Variants in ZNF514 observed in about 807,000 individuals in gnomAD.
ZNF514 encodes the protein zinc finger protein 514.
In ZNF514, 12 loss-of-function variants were observed where a neutral mutation model predicts 9.7. That is an observed-to-expected ratio of 1.24 (90% confidence interval 0.79 to 2.01). The LOEUF (loss-of-function observed/expected upper bound fraction) is 2.01, where lower values mean the gene tolerates loss of function less well. ZNF514 is among the 30% of genes most tolerant of loss of function. The probability of loss-of-function intolerance (pLI) is 0.00; values close to 1 mark genes in which losing one functional copy is unlikely to be tolerated. For synonymous variants in ZNF514, 158 were observed against 163.7 expected, an observed-to-expected ratio of 0.97 and a Z score of 0.27; for missense variants, 467 against 465.5, an observed-to-expected ratio of 1.00 and a Z score of -0.03.
chr2:95,146,245 T>TA lies in ZNF514; in HGVS notation c.*3036dup, dbSNP rs1190508917. Among the ~76,000 whole-genome samples the TA allele has an allele frequency of 1.3e-5, 2 of 152,208 alleles. No individual in the cohort carries two copies. The highest frequency in any genetic ancestry group is 1.9e-4 in the East Asian group (1 of 5,204). On this transcript the variant is annotated 3_prime_UTR_variant, in exon 5 of 5. Transcript: ENST00000295208. ...AGGAAACAAGAAAGTGGTAAAGTGA[T>TA]AAAAAATTATTTAAATAGATCAAGA... is the stretch of plus-strand genomic sequence containing the variant.
chr2:95,143,690 C>T (rs1673297267), downstream of ZNF514, among the ~76,000 whole-genome samples: 1 of 152,182 alleles, frequency 6.6e-6, no homozygotes, highest in Non-Finnish European at 1.5e-5. Flanking sequence ...GAAATAACCT[C>T]TAGATCATTG....
chr2:95,156,658 A>C (rs1311312697), intron 2 of ZNF514, among the ~76,000 whole-genome samples: 3 of 152,206 alleles, frequency 2.0e-5, no homozygotes, highest in Non-Finnish European at 2.9e-5. Flanking sequence ...TGTTCTCCAT[A>C]AATAATAACT....
In ZNF514 at chr2:95,153,254, C is replaced by T. The variant is rs746818355; in HGVS notation, c.-1G>A. The T allele has an allele frequency of 4.3e-6, 7 of 1,613,782 alleles. No homozygotes were observed. Among genetic ancestry groups the T allele is most frequent in the Non-Finnish European group, 5.9e-6 (7 of 1,179,770 alleles). The stretch of plus-strand genomic sequence containing the variant: ...CCACAGCCACATCTTCAAATGTCAT[C>T]AGGTCCTGAAACACAGAAGACACTC... On this transcript the variant is annotated 5_prime_UTR_variant, in exon 3 of 5. Coordinates refer to ENST00000295208, the MANE Select transcript of ZNF514 (RefSeq NM_032788.3).
chr2:95,135,284 C>A, the ZNF514 span, among the ~76,000 whole-genome samples: 8 of 152,038 alleles, frequency 5.3e-5, no homozygotes, highest in Non-Finnish European at 1.0e-4. Context: ...TGTCATGTAG[C>A]TTTCAGAATA....
In ZNF514 at chr2:95,149,720, A is replaced by G. The variant is rs1673475501; in HGVS notation, c.765T>C (p.Thr255=). ...CACTGCATTCATAGGGCTTTTCTCC[A>G]GTATGAGTTCTTTGATGTTTAATAA... ...SSLIKHQRTH[T]GEKPYECSEC... is the part of the protein sequence containing the mutation. The change falls in exon 5 of 5, where the codon ACT becomes ACC. Residue 255 remains threonine, a synonymous_variant. Transcript: ENST00000295208. 6.2e-7 allele frequency: 1 copy of G among 1,614,138 alleles called. No homozygotes were observed. Among genetic ancestry groups the G allele is most frequent in the Non-Finnish European group, 8.5e-7 (1 of 1,180,044 alleles).
rs1472981544 is a variant in ZNF514, at chr2:95,146,242, T to C, written c.*3040A>G. Among the ~76,000 whole-genome samples the C allele has an allele frequency of 6.6e-6, 1 of 152,180 alleles. No individual in the cohort carries two copies. Among genetic ancestry groups the C allele is most frequent in the Non-Finnish European group, 1.5e-5 (1 of 68,030 alleles). On this transcript the variant is annotated 3_prime_UTR_variant, in exon 5 of 5. Coordinates refer to ENST00000295208, the MANE Select transcript of ZNF514 (RefSeq NM_032788.3). ...TTCAGGAAACAAGAAAGTGGTAAAG[T>C]GATAAAAAATTATTTAAATAGATCA...
At position 95,149,307 on chromosome 2, in the gene ZNF514, C is replaced by T; in HGVS notation, c.1178G>A (p.Ser393Asn). 6.3e-7 allele frequency: 1 copy of T among 1,585,276 alleles called. No homozygotes were observed. Among genetic ancestry groups the T allele is most frequent in the Non-Finnish European group, 8.6e-7 (1 of 1,165,494 alleles). Residue 393 changes from serine (S) to asparagine (N), a missense_variant, in exon 5 of 5, where the codon AGT (serine) becomes AAT (asparagine). Coordinates refer to ENST00000295208, the MANE Select transcript of ZNF514 (RefSeq NM_032788.3). Reference sequence around the variant, plus strand: ...TTATAGGGTTTTTTTTCCAGCATGACTTCTCTGATGTTTAATAAGGGATGC... The same window carrying T: ...TTATAGGGTTTTTTTTCCAGCATGATTTCTCTGATGTTTAATAAGGGATGC... ...HTASLIKHQR[S>N]HAGKKTL
downstream of ZNF514, among the ~76,000 whole-genome samples, chr2:95,142,804 A>C (rs1248184380): frequency 6.6e-6 from 1 of 152,228 alleles, no homozygotes; most frequent in Non-Finnish European, 1.5e-5. Context: ...AAATAAAAAG[A>C]CTGAAAAAGA....
intron 2 of ZNF514, chr2:95,154,547 T>C (rs1192422208): frequency 1.3e-5 from 2 of 152,244 alleles, no homozygotes; most frequent in Non-Finnish European, 2.9e-5. Context: ...ACTTGAAAGA[T>C]GAACAATGAA....
chr2:95,151,666 G>A (rs1673549922), intron 4 of ZNF514, among the ~76,000 whole-genome samples: 1 of 152,298 alleles, frequency 6.6e-6, no homozygotes, highest in East Asian at 1.9e-4. Context: ...GGAAATGACT[G>A]GTAATGCCTA....
the ZNF514 span, among the ~76,000 whole-genome samples, chr2:95,130,874 C>T: frequency 6.6e-6 from 1 of 152,260 alleles, no homozygotes; most frequent in Non-Finnish European, 1.5e-5. Flanking sequence ...AAAGTAAAGA[C>T]AGGCATAGGA....
chr2:95,132,540 G>A, the ZNF514 span, among the ~76,000 whole-genome samples: 37 of 152,068 alleles, frequency 2.4e-4, no homozygotes, highest in Admixed American at 9.2e-4. Context: ...AAATGGTACC[G>A]CCATTCTGGA....
rs1673385669 is a variant in ZNF514 at position 95,147,405 on chromosome 2, T to C, written c.*1877A>G. 6.6e-6 allele frequency: 1 copy of C among 152,212 alleles called. No homozygotes were observed. Among genetic ancestry groups the C allele is most frequent in the Non-Finnish European group, 1.5e-5 (1 of 68,040 alleles). The allele number at this position is 152,212 out of a possible 1,614,324, so 9.4% of individuals were successfully genotyped here. ...ATATAAAGTGAACAATTCAATGATT[T>C]TTAGTGAAGTTACCAAATCGTTCAA... On this transcript the variant is annotated 3_prime_UTR_variant, in exon 5 of 5. Transcript: ENST00000295208.
the ZNF514 span, among the ~76,000 whole-genome samples, chr2:95,124,084 T>TTC: frequency 6.6e-6 from 1 of 152,050 alleles, no homozygotes; most frequent in Non-Finnish European, 1.5e-5. Context: ...GTGTGTGTAG[T>TTC]TCTATGCAGT....
rs34282100 is a variant in ZNF514 at position 95,150,272 on chromosome 2, T to TAAAAAAA, written c.218-12_218-6dup. On this transcript the variant is annotated splice_region_variant and splice_polypyrimidine_tract_variant and intron_variant, in intron 4 of 4. Transcript: ENST00000295208. The stretch of plus-strand genomic sequence containing the variant: ...ATTTAGACCTTCTCTTCCAGTCTGT[T>TAAAAAAA]AAAAAAAAAAAAAAAAAAAGAAGAC... 1.5e-6 allele frequency: 2 copies of TAAAAAAA among 1,340,484 alleles called. No individual in the cohort carries two copies. The highest frequency in any genetic ancestry group is 2.5e-5 in the East Asian group (1 of 39,634). 83.0% of individuals were successfully genotyped at this position (1,340,484 alleles called of 1,614,324 possible).
In ZNF514 at chr2:95,149,906, G is replaced by A. The variant is rs1452855907; in HGVS notation, c.579C>T (p.Asn193=). Reference sequence around the variant, plus strand: ...TCTTTTCTGGGTGGGTTCTCTGAGAGTTGTTTCCCCCTAAAGTCTGCCTGA... The same window carrying A: ...TCTTTTCTGGGTGGGTTCTCTGAGAATTGTTTCCCCCTAAAGTCTGCCTGA... The part of the protein sequence containing the change: ...TEFRQTLGGN[N]SQRTHPEKKS... The change falls in exon 5 of 5, where the codon AAC becomes AAT. Residue 193 remains asparagine (N), a synonymous_variant. Coordinates refer to ENST00000295208, the MANE Select transcript of ZNF514 (RefSeq NM_032788.3). 2.5e-6 allele frequency: 4 copies of A among 1,614,100 alleles called. No individual in the cohort carries two copies. The African/African-American group carries it at 4.0e-5, about 16-fold the overall frequency.
Position 95,149,045 on chromosome 2 carries a change from A to G in ZNF514, c.*237T>C, listed in dbSNP as rs574206492. ...CATCCTCTGATCAAAGCGTTCCCAC[A>G]TTCATTACATTCACGTGGTTTCTCA... On this transcript the variant is annotated 3_prime_UTR_variant, in exon 5 of 5. Transcript: ENST00000295208. 4.0e-5 allele frequency: 20 copies of G among 500,966 alleles called. No homozygotes were observed. In the South Asian group the frequency reaches 6.6e-4, roughly 17 times the overall value. The allele number at this position is 500,966 out of a possible 1,614,324, so 31.0% of individuals were successfully genotyped here. A position where few individuals can be genotyped will look rare whatever the true frequency, so the allele number is the denominator to read the frequency against.
the ZNF514 span, among the ~76,000 whole-genome samples, chr2:95,131,967 A>ACCCT: frequency 6.6e-6 from 1 of 151,838 alleles, no homozygotes; most frequent in African/African-American, 2.4e-5. Flanking sequence ...ACATGGTGAA[A>ACCCT]CCCTGTCTCT....
chr2:95,127,755 C>G, the ZNF514 span, among the ~76,000 whole-genome samples: 1 of 152,014 alleles, frequency 6.6e-6, no homozygotes, highest in Non-Finnish European at 1.5e-5. Flanking sequence ...ATTACAGGTG[C>G]CTGCCACCAC....
Sources: allele counts gnomAD v4.1 joint callset (sites outside exome capture counted in the v4.1 genomes callset), GRCh38; gene constraint gnomAD v4.1.1; transcripts MANE v1.5; gene names NCBI Gene and HGNC (gene_info 2026-07-23, HGNC 2026-07-21).